Variants in SLC22A25 observed in about 807,000 individuals in gnomAD.
SLC22A25 encodes the protein MGI:2442751, MGI:2385316, MGI:3042283, MGI:3645714, MGI:3605624, MGI:2442750.
Under a neutral mutation model 45.9 loss-of-function variants are expected in SLC22A25, and 44 were observed. That is an observed-to-expected ratio of 0.96 (90% CI 0.75 to 1.23). The LOEUF is 1.23. Ranked by LOEUF, SLC22A25 falls within the 50% of genes most tolerant of loss-of-function variation. The pLI, the probability that SLC22A25 is intolerant of heterozygous loss-of-function variation, is 0.00. For missense variants in SLC22A25, 800 were observed against 666.4 expected (o/e 1.20, Z -2.21); for synonymous variants, 283 against 238.6 (o/e 1.19, Z -1.72).
At chr11:63,217,525 G>T in intron 6 of SLC22A25, 43 bp from the exon 7 acceptor site, 1 of 1,610,506 alleles carries the variant, frequency 6.2e-7, no homozygotes, top group South Asian at 1.1e-5. Flanking sequence ...AATACAGGTG[G>T]AGCTTCAATG....
intron 8 of SLC22A25, among the ~76,000 whole-genome samples, chr11:63,183,235 G>A (rs1375019930): frequency 6.6e-6 from 1 of 152,030 alleles, no homozygotes; most frequent in Non-Finnish European, 1.5e-5. Flanking sequence ...ATCTTGAACA[G>A]GTAGGCACTC....
intron 7 of SLC22A25, among the ~76,000 whole-genome samples, chr11:63,211,559 C>T (rs1268519098): frequency 6.6e-6 from 1 of 152,090 alleles, no homozygotes; most frequent in Non-Finnish European, 1.5e-5. Flanking sequence ...AAGGCTGCCG[C>T]AAGGGTTTAA....
chr11:63,200,933 A>G (rs1466591765), intron 7 of SLC22A25, among the ~76,000 whole-genome samples: 1 of 152,216 alleles, frequency 6.6e-6, no homozygotes, highest in African/African-American at 2.4e-5. Flanking sequence ...TAAAATGCCT[A>G]GGAATACAGC....
At chr11:63,234,087 G>A (rs1372610813) in intron 3 of SLC22A25, among the ~76,000 whole-genome samples, 3 of 152,218 alleles carry the variant, frequency 2.0e-5, no homozygotes, top group African/African-American at 7.2e-5. Flanking sequence ...TAGGAGTGGT[G>A]TGGTGCTGAA....
chr11:63,178,772 T>C (rs1368756247), intron 9 of SLC22A25, among the ~76,000 whole-genome samples: 1 of 152,138 alleles, frequency 6.6e-6, no homozygotes, highest in Non-Finnish European at 1.5e-5. Context: ...TTCTCCACTT[T>C]GTTGATTGTT....
In SLC22A25 at chr11:63,166,098, G is replaced by C. The variant is rs941361673; in HGVS notation, c.1231C>G (p.Leu411Val). The C allele has an allele frequency of 5.6e-6, 9 of 1,613,894 alleles. No homozygotes were observed. The African/African-American group carries it at 9.3e-5, about 17-fold the overall frequency. ...CAGGTTGCCAGTAGGAACATGAGAA[G>C]CATCTGGCTTAGTCGACGGCTCATG... ...NHMSRRLSQM[L>V]LMFLLATCLL... The change falls in exon 10 of 12, where the codon CTT (leucine) becomes GTT (valine). Residue 411 changes from leucine to valine, a missense_variant. Physicochemically the swap from Leu to Val is conservative, Grantham distance 32. Coordinates refer to ENST00000306494, the MANE Select transcript of SLC22A25 (RefSeq NM_199352.6).
At chr11:63,237,422 G>T (rs919077624) in intron 3 of SLC22A25, among the ~76,000 whole-genome samples, 3 of 152,152 alleles carry the variant, frequency 2.0e-5, no homozygotes, top group African/African-American at 7.2e-5. Flanking sequence ...ATGAAATCCA[G>T]CCCCCATTCT....
chr11:63,169,522 T>G (rs796564333), intron 9 of SLC22A25, among the ~76,000 whole-genome samples: 16 of 152,266 alleles, frequency 1.1e-4, no homozygotes, highest in African/African-American at 3.9e-4. Context: ...AATCCTATTC[T>G]CTGATAAAAC....
intron 7 of SLC22A25, among the ~76,000 whole-genome samples, chr11:63,215,843 C>T (rs1232256117): frequency 6.6e-6 from 1 of 152,102 alleles, no homozygotes; most frequent in Non-Finnish European, 1.5e-5. Flanking sequence ...AATCATTTAG[C>T]TCCCATTTAT....
At chr11:63,212,377 T>C (rs990675245) in intron 7 of SLC22A25, among the ~76,000 whole-genome samples, 1 of 152,202 alleles carries the variant, frequency 6.6e-6, no homozygotes, top group African/African-American at 2.4e-5. Context: ...CGTATGTTTA[T>C]TGTGGCACTA....
intron 7 of SLC22A25, among the ~76,000 whole-genome samples, chr11:63,186,975 G>A (rs2088578818): frequency 6.6e-6 from 1 of 152,176 alleles, no homozygotes; most frequent in African/African-American, 2.4e-5. Context: ...AAGTCAGGTA[G>A]CATGGTGCCT....
At chr11:63,183,596 CTG>C in intron 8 of SLC22A25, 96 bp downstream of exon 8, 1 of 1,505,746 alleles carries the variant, frequency 6.6e-7, no homozygotes, top group Non-Finnish European at 9.1e-7. Flanking sequence ...ATAACTCTAC[CTG>C]TGTTTCTCTC....
chr11:63,190,017 T>A (rs2088736710), intron 7 of SLC22A25, among the ~76,000 whole-genome samples: 1 of 152,214 alleles, frequency 6.6e-6, no homozygotes, highest in South Asian at 2.1e-4. Context: ...CTGACAATTA[T>A]GTGTCTTGGA....
At chr11:63,196,425 T>A (rs1163271595) in intron 7 of SLC22A25, among the ~76,000 whole-genome samples, 1 of 152,188 alleles carries the variant, frequency 6.6e-6, no homozygotes, top group Non-Finnish European at 1.5e-5. Context: ...GTTGACTTCA[T>A]CCCTGGGATG....
chr11:63,243,295 C>T (rs1478806674), intron 1 of SLC22A25, 139 bp downstream of exon 1: 1 of 425,526 alleles, frequency 2.4e-6, no homozygotes, highest in African/African-American at 2.0e-5. Flanking sequence ...GATTGGTGGC[C>T]ACTTCTGATG....
At chr11:63,198,131 G>A (rs560664401) in intron 7 of SLC22A25, among the ~76,000 whole-genome samples, 1 of 152,314 alleles carries the variant, frequency 6.6e-6, no homozygotes, top group Non-Finnish European at 1.5e-5. Flanking sequence ...TGGTGAGACT[G>A]TAAACTAGTT....
At chr11:63,202,243 T>C (rs536951080) in intron 7 of SLC22A25, among the ~76,000 whole-genome samples, 11 of 151,774 alleles carry the variant, frequency 7.2e-5, no homozygotes, top group Admixed American at 4.6e-4. Flanking sequence ...CTGAGCTAGC[T>C]GCAGGAGTTT....
rs113884023 is a variant in SLC22A25 at position 63,203,730 on chromosome 11, C to T, written c.830+13584G>A. On this transcript the variant is annotated intron_variant, in intron 7 of 11. Transcript: ENST00000306494. ...GAGAATGAAACCAAATTGGAAAATA[C>T]TCTTCAGGCTATTATCCAGGAGAAC... is the stretch of plus-strand genomic sequence containing the variant. Among the ~76,000 whole-genome samples, 1,340 of 152,254 alleles carry T rather than the reference C, an allele frequency of 8.8e-3. 9 individuals carry two copies. The highest frequency in any genetic ancestry group is 0.018 in the African/African-American group (768 of 41,530).
rs141333922 is a variant in SLC22A25 at position 63,166,115 on chromosome 11, C to A, written c.1214G>T (p.Arg405Leu). 3 of 1,613,882 alleles carry A rather than the reference C, an allele frequency of 1.9e-6. No homozygotes were observed. The highest frequency in any genetic ancestry group is 2.5e-6 in the Non-Finnish European group (3 of 1,179,956). ...CATGAGAAGCATCTGGCTTAGTCGA[C>A]GGCTCATGTGATTCAGTGCCCAAGG... ...VAPWALNHMS[R>L]RLSQMLLMFL... is the part of the protein sequence containing the mutation. The change falls in exon 10 of 12, where the codon CGT (arginine) becomes CTT (leucine). Residue 405 changes from arginine (R) to leucine (L), a missense_variant. By Grantham distance (102) the Arg-to-Leu change is moderately radical (BLOSUM62 -2). Transcript: ENST00000306494.
Sources: allele counts gnomAD v4.1 joint callset (sites outside exome capture counted in the v4.1 genomes callset), GRCh38; gene constraint gnomAD v4.1.1; transcripts MANE v1.5; gene names NCBI Gene and HGNC (gene_info 2026-07-23, HGNC 2026-07-21).